SPRING1: variants seen among roughly 807,000 people sequenced by gnomAD.
SPRING1 encodes SREBF pathway regulator in golgi 1.
Under a neutral mutation model 24.7 loss-of-function variants are expected in SPRING1, and 14 were observed. The ratio of observed to expected loss-of-function variants is 0.57; its 90% CI spans 0.37 to 0.88. The LOEUF is 0.88. SPRING1 is among the 40% of genes least tolerant of loss of function. The pLI is 0.00. For synonymous variants in SPRING1, 93 were observed against 106.1 expected (o/e 0.88, Z 0.76); for missense variants, 255 against 268.4 (o/e 0.95, Z 0.35).
chr12:116,718,012 G>T, intron 4 of SPRING1, 119 bp from the exon 5 acceptor site: 1 of 775,340 alleles, frequency 1.3e-6, no homozygotes, highest in Non-Finnish European at 1.9e-6. Context: ...GGCTGGCCGA[G>T]TCCATCTCCA....
chr12:116,719,742 A>G (rs1870325242), intron 4 of SPRING1, 21 bp downstream of exon 4: 3 of 1,594,278 alleles, frequency 1.9e-6, no homozygotes, highest in African/African-American at 2.7e-5. Flanking sequence ...TCCCACAGCT[A>G]GAGACATCAC....
At chr12:116,732,244 A>C (rs1226500018) in intron 1 of SPRING1, among the ~76,000 whole-genome samples, 1 of 152,224 alleles carries the variant, frequency 6.6e-6, no homozygotes, top group Non-Finnish European at 1.5e-5. Flanking sequence ...AGCCAGAAGA[A>C]AGGATTTATA....
rs932439889 is a variant in SPRING1, at chr12:116,718,010, G to A, written c.535-117C>T. On this transcript the variant is annotated intron_variant, in intron 4 of 4. Coordinates refer to ENST00000261318, the MANE Select transcript of SPRING1 (RefSeq NM_024738.4). ...AGACTCTCCCTGCAGGGGGCTGGCC[G>A]AGTCCATCTCCAAATGTCACTAAAG... is the stretch of plus-strand genomic sequence containing the variant. 5.0e-5 allele frequency: 40 copies of A among 795,590 alleles called. 1 individual carries two copies. Among genetic ancestry groups the A allele is most frequent in the South Asian group, 2.7e-4 (11 of 40,936 alleles). The allele number at this position is 795,590 out of a possible 1,614,324, so 49.3% of individuals were successfully genotyped here.
intron 1 of SPRING1, among the ~76,000 whole-genome samples, chr12:116,733,645 A>T (rs191008435): frequency 8.5e-5 from 13 of 152,278 alleles, no homozygotes; most frequent in Non-Finnish European, 1.6e-4. Flanking sequence ...CCAAAAAGTT[A>T]AAAAAATTAG....
At chr12:116,718,689 T>G (rs1382238884) in intron 4 of SPRING1, among the ~76,000 whole-genome samples, 1 of 152,250 alleles carries the variant, frequency 6.6e-6, no homozygotes, top group Non-Finnish European at 1.5e-5. Context: ...CTGGAAATAA[T>G]TCCTGGGTTT....
Position 116,719,893 on chromosome 12 carries a change from T to C in SPRING1, c.421-17A>G, listed in dbSNP as rs746794597. Reference sequence around the variant, plus strand: ...GAGAAGTTGCTATGGAAACAAAAGTTAGTGCCTGTAATAAATTACCTAAGC... The same window carrying C: ...GAGAAGTTGCTATGGAAACAAAAGTCAGTGCCTGTAATAAATTACCTAAGC... On this transcript the variant is annotated splice_polypyrimidine_tract_variant and intron_variant, in intron 3 of 4. Transcript: ENST00000261318. The C allele has an allele frequency of 1.2e-6, 2 of 1,604,770 alleles. No individual in the cohort carries two copies. Among genetic ancestry groups the C allele is most frequent in the Non-Finnish European group, 1.7e-6 (2 of 1,171,846 alleles).
At chr12:116,721,625 G>A (rs1293601582) in intron 2 of SPRING1, among the ~76,000 whole-genome samples, 1 of 151,998 alleles carries the variant, frequency 6.6e-6, no homozygotes, top group Non-Finnish European at 1.5e-5. Context: ...TCTAAATTAA[G>A]AGAGGATGAT....
rs997349262 is a variant in SPRING1 at position 116,716,088 on chromosome 12, A to G, written c.*1722T>C. ...CAATAGATGGATGAGACATGCAGAC[A>G]TGCCACAATCCGGCACATCAGAGTT... is the stretch of plus-strand genomic sequence containing the variant. On this transcript the variant is annotated 3_prime_UTR_variant, in exon 5 of 5. Transcript: ENST00000261318. 6.6e-6 allele frequency: 1 copy of G among 152,260 alleles called. No homozygotes were observed. The highest frequency in any genetic ancestry group is 1.5e-5 in the Non-Finnish European group (1 of 68,048). 9.4% of individuals were successfully genotyped at this position (152,260 alleles called of 1,614,324 possible). A position where few individuals can be genotyped will look rare whatever the true frequency, so the allele number is the denominator to read the frequency against.
In SPRING1 at chr12:116,722,690, G is replaced by C. The variant is rs1277621019; in HGVS notation, c.268+377C>G. On this transcript the variant is annotated intron_variant, in intron 2 of 4. Transcript: ENST00000261318. Reference sequence around the variant, plus strand: ...ATGTGAATTTTACTCAGGTTACCAAGAAGGAAAACTGAGCTCTTATCCTAT... The same window carrying C: ...ATGTGAATTTTACTCAGGTTACCAACAAGGAAAACTGAGCTCTTATCCTAT... Among the ~76,000 whole-genome samples the C allele has an allele frequency of 3.3e-5, 5 of 152,168 alleles. No homozygotes were observed. The East Asian group carries it at 9.6e-4, about 29-fold the overall frequency.
At chr12:116,733,034 G>A (rs1871054725) in intron 1 of SPRING1, among the ~76,000 whole-genome samples, 1 of 152,192 alleles carries the variant, frequency 6.6e-6, no homozygotes, top group African/African-American at 2.4e-5. Flanking sequence ...ATACAGCACA[G>A]TAATAAAGAT....
rs745827284 is a variant in SPRING1, at chr12:116,737,937, G to C, written c.-37C>G. 1.1e-5 allele frequency: 16 copies of C among 1,429,178 alleles called. No individual in the cohort carries two copies. Among genetic ancestry groups the C allele is most frequent in the Non-Finnish European group, 1.4e-5 (15 of 1,089,158 alleles). 88.5% of individuals were successfully genotyped at this position (1,429,178 alleles called of 1,614,324 possible). On this transcript the variant is annotated 5_prime_UTR_variant, in exon 1 of 5. Transcript: ENST00000261318. ...CGTGGGGCGCGGCGGCCGGGGCGCGGAACGCGGCAGGCCCGGGTCCCGGGC... is the reference window on the plus strand; with the variant it reads ...CGTGGGGCGCGGCGGCCGGGGCGCGCAACGCGGCAGGCCCGGGTCCCGGGC...
chr12:116,718,343 T>A (rs1392240650), intron 4 of SPRING1, among the ~76,000 whole-genome samples: 1 of 152,202 alleles, frequency 6.6e-6, no homozygotes. Flanking sequence ...ACCTAAAAAT[T>A]TGGGGCATGA....
In SPRING1 at chr12:116,719,860, C is replaced by A. The variant is rs771325476; in HGVS notation, c.437G>T (p.Arg146Leu). 1 of 1,614,058 alleles carries A rather than the reference C, an allele frequency of 6.2e-7. No individual in the cohort carries two copies. ...TGCCACGGCTGCCCGGTTGAGGAAG[C>A]GCTCCAGGAGAAGTTGCTATGGAAA... ...LQPNKQLLLE[R>L]FLNRAAVAFQ... The change falls in exon 4 of 5, where the codon CGC (arginine) becomes CTC (leucine). Residue 146 changes from arginine (R) to leucine (L), a missense_variant. Arg to Leu is a moderately radical substitution (Grantham distance 102, BLOSUM62 -2). Coordinates refer to ENST00000261318, the MANE Select transcript of SPRING1 (RefSeq NM_024738.4).
rs150133659 is a variant in SPRING1 at position 116,711,787 on chromosome 12, TTTA to T, written c.*6020_*6022del. ...GCACTACCATGCCTGGCTCCTTTTT[TTTA>T]TTTTTTGTAGAGACAGGGTCTCCCT... On this transcript the variant is annotated 3_prime_UTR_variant, in exon 5 of 5. Transcript: ENST00000261318. 3.2e-3 allele frequency: 490 copies of T among 152,574 alleles called. 22 individuals carry two copies. In the East Asian group the frequency reaches 0.08, roughly 25 times the overall value. 9.5% of individuals were successfully genotyped at this position (152,574 alleles called of 1,614,324 possible). A position where few individuals can be genotyped will look rare whatever the true frequency, so the allele number is the denominator to read the frequency against.
rs1304658829 is a variant in SPRING1, at chr12:116,716,997, AG to A, written c.*812del. 1.3e-5 allele frequency: 2 copies of A among 152,242 alleles called. No homozygotes were observed. Among genetic ancestry groups the A allele is most frequent in the Non-Finnish European group, 2.9e-5 (2 of 68,044 alleles). 9.4% of individuals were successfully genotyped at this position (152,242 alleles called of 1,614,324 possible). On this transcript the variant is annotated 3_prime_UTR_variant, in exon 5 of 5. Coordinates refer to ENST00000261318, the MANE Select transcript of SPRING1 (RefSeq NM_024738.4). ...AAAAGAAATGAGAACAAATTCCTCC[AG>A]GAAGAGAAATTAGATTTCTGCTAAA...
intron 2 of SPRING1, among the ~76,000 whole-genome samples, chr12:116,722,248 T>C (rs1256400733): frequency 6.6e-6 from 1 of 152,206 alleles, no homozygotes; most frequent in Admixed American, 6.5e-5. Context: ...AATTGATTGA[T>C]TCCTTCACTC....
chr12:116,736,983 C>T (rs2137050347), intron 1 of SPRING1, among the ~76,000 whole-genome samples: 1 of 152,318 alleles, frequency 6.6e-6, no homozygotes, highest in African/African-American at 2.4e-5. Flanking sequence ...TTGGTTTCCC[C>T]CACTGTAATA....
Position 116,738,003 on chromosome 12 carries a change from C to T in SPRING1, c.-103G>A, listed in dbSNP as rs750405591. 31 of 1,140,678 alleles carry T rather than the reference C, an allele frequency of 2.7e-5. No homozygotes were observed. The highest frequency in any genetic ancestry group is 7.4e-4 in the Middle Eastern group (2 of 2,698). 70.7% of individuals were successfully genotyped at this position (1,140,678 alleles called of 1,614,324 possible). A position where few individuals can be genotyped will look rare whatever the true frequency, so the allele number is the denominator to read the frequency against. Reference sequence around the variant, plus strand: ...CGCCCGGCAGCCCCATCCCTCCAGGCAGGCGCCGGCCCCGCCGCCCGCAGC... The same window carrying T: ...CGCCCGGCAGCCCCATCCCTCCAGGTAGGCGCCGGCCCCGCCGCCCGCAGC... On this transcript the variant is annotated 5_prime_UTR_variant, in exon 1 of 5. Transcript: ENST00000261318.
rs777850901 is a variant in SPRING1, at chr12:116,717,827, C to A, written c.601G>T (p.Glu201Ter). ...AKYCYGESPP[E>*]LFPA The stretch of plus-strand genomic sequence containing the variant: ...TGCACCCGTCAAGCGGGGAAGAGCT[C>A]GGGCGGGCTTTCTCCATAGCAATAC... The change falls in exon 5 of 5, where the codon GAG becomes TAG. Residue 201 changes from glutamate (E) to a stop codon, truncating the protein, a stop_gained. Transcript: ENST00000261318. LOFTEE classifies it high-confidence loss of function. This position sits in a 1 kb window ranked among gnomAD's most constrained non-coding sequence, Gnocchi z 4.2. The A allele has an allele frequency of 1.9e-6, 3 of 1,601,222 alleles. No homozygotes were observed. The highest frequency in any genetic ancestry group is 2.6e-6 in the Non-Finnish European group (3 of 1,174,800).
Sources: allele counts gnomAD v4.1 joint callset (sites outside exome capture counted in the v4.1 genomes callset), GRCh38; gene constraint gnomAD v4.1.1; non-coding constraint Gnocchi (gnomAD v3.1); transcripts MANE v1.5; gene names NCBI Gene and HGNC (gene_info 2026-07-23, HGNC 2026-07-21).